The following FANCL variants were observed in gnomAD, a reference collection of about 807,000 sequenced individuals.
FANCL encodes the protein E3 ubiquitin-protein ligase FANCL.
Under a neutral mutation model 59.4 loss-of-function variants are expected in FANCL, and 69 were observed. The observed-to-expected ratio is 1.16, with a 90% CI of 0.96 to 1.42. FANCL has a LOEUF of 1.42. Ranked by LOEUF, FANCL falls within the 40% of genes most tolerant of loss-of-function variation. The pLI, the probability that FANCL is intolerant of heterozygous loss-of-function variation, is 0.00. For missense variants in FANCL, 519 were observed against 447.2 expected (o/e 1.16, Z -1.45); for synonymous variants, 180 against 147.1 (o/e 1.22, Z -1.62).
At chr2:58,226,697 TA>T (rs1558819223) in intron 4 of FANCL, 30 bp downstream of exon 4, 1 of 1,536,174 alleles carries the variant, frequency 6.5e-7, no homozygotes, top group East Asian at 2.3e-5. Flanking sequence ...TGCAGTATGG[TA>T]ACAGTGTCAG....
intron 6 of FANCL, among the ~76,000 whole-genome samples, chr2:58,200,976 T>G (rs557127679): frequency 6.6e-6 from 1 of 151,440 alleles, no homozygotes; most frequent in South Asian, 2.1e-4. Context: ...ATTTTGTTTA[T>G]ATAACAAACC....
chr2:58,231,268 C>A (rs1362852752), intron 2 of FANCL, among the ~76,000 whole-genome samples: 1 of 152,292 alleles, frequency 6.6e-6, no homozygotes, highest in East Asian at 1.9e-4. Context: ...AATCCTTCAT[C>A]TGTTGTAACT....
At chr2:58,165,592 A>C in intron 8 of FANCL, 132 bp downstream of exon 8, 1 of 1,095,084 alleles carries the variant, frequency 9.1e-7, no homozygotes, top group South Asian at 1.4e-5. Context: ...AGCCAAAAAA[A>C]AGTTTATACT....
chr2:58,238,132 T>A (rs1694190992), intron 1 of FANCL, among the ~76,000 whole-genome samples: 1 of 152,214 alleles, frequency 6.6e-6, no homozygotes, highest in Non-Finnish European at 1.5e-5. Flanking sequence ...CACAAATTAA[T>A]AAACTTTCTT....
At chr2:58,190,608 A>C (rs1281599169) in intron 7 of FANCL, among the ~76,000 whole-genome samples, 1 of 151,948 alleles carries the variant, frequency 6.6e-6, no homozygotes, top group Non-Finnish European at 1.5e-5. Flanking sequence ...AGCTATATCT[A>C]ATTTTTCATC....
chr2:58,202,070 T>C (rs1690087326), intron 6 of FANCL, among the ~76,000 whole-genome samples: 1 of 151,674 alleles, frequency 6.6e-6, no homozygotes. Flanking sequence ...TGTAGTTGAC[T>C]GACAATCGCA....
At chr2:58,162,082 T>A (rs1173772748) in intron 11 of FANCL, among the ~76,000 whole-genome samples, 1 of 151,922 alleles carries the variant, frequency 6.6e-6, no homozygotes, top group Non-Finnish European at 1.5e-5. Context: ...ATATCATACA[T>A]TGTTATAATG....
chr2:58,226,651 A>C, intron 4 of FANCL, 77 bp downstream of exon 4: 1 of 1,015,478 alleles, frequency 9.8e-7, no homozygotes, highest in Non-Finnish European at 1.5e-6. Flanking sequence ...TAATAATGTC[A>C]GTTTTTAAAG....
At chr2:58,201,933 T>A (rs954802283) in intron 6 of FANCL, among the ~76,000 whole-genome samples, 2 of 151,748 alleles carry the variant, frequency 1.3e-5, no homozygotes, top group Non-Finnish European at 3.0e-5. Context: ...GTTTGTGTAT[T>A]TATGAAAAAA....
chr2:58,240,312 C>A (rs1039745140), intron 1 of FANCL, among the ~76,000 whole-genome samples: 12 of 152,092 alleles, frequency 7.9e-5, no homozygotes, highest in Admixed American at 6.5e-4. Flanking sequence ...CACATATACT[C>A]AAAGACTATG....
intron 5 of FANCL, among the ~76,000 whole-genome samples, chr2:58,212,378 G>C (rs533658622): frequency 1.3e-5 from 2 of 152,256 alleles, no homozygotes; most frequent in African/African-American, 4.8e-5. Flanking sequence ...CAACACATGG[G>C]AATTGTGGGA....
intron 5 of FANCL, among the ~76,000 whole-genome samples, chr2:58,206,371 T>G (rs1484401557): frequency 6.6e-6 from 1 of 152,156 alleles, no homozygotes; most frequent in African/African-American, 2.4e-5. Flanking sequence ...TTCAAAGTAT[T>G]TGTCTCAAAG....
intron 7 of FANCL, chr2:58,194,318 C>T (rs1163101880): frequency 6.4e-6 from 3 of 470,408 alleles, no homozygotes; most frequent in Non-Finnish European, 1.3e-5. Context: ...AATATCAGTG[C>T]ACTTAAAATC....
chr2:58,167,986 AAATT>A (rs775820902), intron 7 of FANCL, among the ~76,000 whole-genome samples: 10 of 152,160 alleles, frequency 6.6e-5, no homozygotes, highest in African/African-American at 1.7e-4. Flanking sequence ...TGAAAAAAAT[AAATT>A]ATTTCTAAAT....
chr2:58,191,226 G>T (rs962341404), intron 7 of FANCL, among the ~76,000 whole-genome samples: 1 of 151,482 alleles, frequency 6.6e-6, no homozygotes, highest in Non-Finnish European at 1.5e-5. Flanking sequence ...AATTATACTC[G>T]CATTAAAATA....
At chr2:58,240,717 G>A (rs1043400967) in intron 1 of FANCL, among the ~76,000 whole-genome samples, 1 of 152,178 alleles carries the variant, frequency 6.6e-6, no homozygotes, top group African/African-American at 2.4e-5. Flanking sequence ...TCTCCTAGAA[G>A]ATATTGTAAC....
chr2:58,207,428 G>C (rs1690698660), intron 5 of FANCL, among the ~76,000 whole-genome samples: 1 of 152,148 alleles, frequency 6.6e-6, no homozygotes, highest in African/African-American at 2.4e-5. Flanking sequence ...GCCACACATG[G>C]CTACTGAACA....
chr2:58,176,030 T>C (rs200132675), intron 7 of FANCL, among the ~76,000 whole-genome samples: 8 of 152,258 alleles, frequency 5.3e-5, no homozygotes, highest in East Asian at 1.9e-4. Flanking sequence ...CCATTCACAA[T>C]TGCTTCAAAG....
At chr2:58,184,868 A>C (rs1024622542) in intron 7 of FANCL, among the ~76,000 whole-genome samples, 8 of 152,122 alleles carry the variant, frequency 5.3e-5, no homozygotes, top group African/African-American at 1.9e-4. Context: ...AACATAAAAC[A>C]AGGTGAGAAT....
Sources: allele counts gnomAD v4.1 joint callset (sites outside exome capture counted in the v4.1 genomes callset), GRCh38; gene constraint gnomAD v4.1.1; transcripts MANE v1.5; gene names NCBI Gene and HGNC (gene_info 2026-07-23, HGNC 2026-07-21).